Variants in ENTREP2 observed in about 807,000 individuals in gnomAD.
The protein encoded by ENTREP2 is endosomal transmembrane epsin interactor 2, also known as protein ENTREP2.
the ENTREP2 span, among the ~76,000 whole-genome samples, chr15:29,464,940 T>C: frequency 6.6e-6 from 1 of 152,150 alleles, no homozygotes; most frequent in African/African-American, 2.4e-5. Flanking sequence ...AGCGAACAGA[T>C]GAATTTATCA....
chr15:29,530,091 C>G, the ENTREP2 span, among the ~76,000 whole-genome samples: 1 of 152,096 alleles, frequency 6.6e-6, no homozygotes, highest in Non-Finnish European at 1.5e-5. Flanking sequence ...GTGGTCTTTC[C>G]CGCTCACATC....
chr15:29,126,009 G>A, the ENTREP2 span, among the ~76,000 whole-genome samples: 1 of 152,172 alleles, frequency 6.6e-6, no homozygotes, highest in Admixed American at 6.5e-5. Context: ...AGCACTTATA[G>A]CTAATGTCCT....
the ENTREP2 span, among the ~76,000 whole-genome samples, chr15:29,389,884 G>C: frequency 6.6e-6 from 1 of 152,166 alleles, no homozygotes; most frequent in African/African-American, 2.4e-5. Flanking sequence ...CTCTCCAGGA[G>C]GGGCAGCACA....
chr15:29,177,616 A>AGAGGGACAC, the ENTREP2 span, among the ~76,000 whole-genome samples: 1 of 152,198 alleles, frequency 6.6e-6, no homozygotes, highest in Non-Finnish European at 1.5e-5. Context: ...AACTCAGTCT[A>AGAGGGACAC]GAGGGACACA....
the ENTREP2 span, among the ~76,000 whole-genome samples, chr15:29,134,134 G>T: frequency 1.3e-5 from 2 of 152,134 alleles, no homozygotes; most frequent in Non-Finnish European, 2.9e-5. Flanking sequence ...TATTATCACA[G>T]CCAACTGTCT....
At chr15:29,173,107 C>T in the ENTREP2 span, among the ~76,000 whole-genome samples, 7 of 152,168 alleles carry the variant, frequency 4.6e-5, no homozygotes, top group African/African-American at 1.7e-4. Flanking sequence ...TGGTCTAGCT[C>T]TCTCCGCTTC....
At chr15:29,149,559 T>C in the ENTREP2 span, among the ~76,000 whole-genome samples, 1 of 152,166 alleles carries the variant, frequency 6.6e-6, no homozygotes, top group African/African-American at 2.4e-5. Flanking sequence ...ACCACGTTCC[T>C]TCAAATCCCA....
chr15:29,392,477 A>G, the ENTREP2 span, among the ~76,000 whole-genome samples: 2 of 151,786 alleles, frequency 1.3e-5, no homozygotes, highest in East Asian at 3.9e-4. Context: ...GTTACGCTGG[A>G]AACACCCTAG....
the ENTREP2 span, among the ~76,000 whole-genome samples, chr15:29,515,153 C>G: frequency 1.3e-5 from 2 of 152,232 alleles, no homozygotes; most frequent in Admixed American, 1.3e-4. Context: ...ACAACCTACT[C>G]AACCATGGAA....
the ENTREP2 span, among the ~76,000 whole-genome samples, chr15:29,333,394 C>A: frequency 9.9e-5 from 15 of 152,270 alleles, no homozygotes; most frequent in African/African-American, 2.4e-4. Context: ...AGGAGGCAGC[C>A]TGGCCAGCAG....
chr15:29,197,146 C>A, the ENTREP2 span, among the ~76,000 whole-genome samples: 1 of 152,120 alleles, frequency 6.6e-6, no homozygotes, highest in Non-Finnish European at 1.5e-5. Context: ...TGAATAAAAA[C>A]GGCTTGGAAA....
At chr15:29,227,517 G>C in the ENTREP2 span, among the ~76,000 whole-genome samples, 2 of 152,136 alleles carry the variant, frequency 1.3e-5, no homozygotes, top group Non-Finnish European at 2.9e-5. Flanking sequence ...GTCCATAAGG[G>C]TCATCAGGCT....
At chr15:29,256,733 ACATAAAATGATTC>A in the ENTREP2 span, among the ~76,000 whole-genome samples, 1 of 152,322 alleles carries the variant, frequency 6.6e-6, no homozygotes, top group East Asian at 1.9e-4. Context: ...ATTTCTAATT[ACATAAAATGATTC>A]CAAAGTCAGG....
chr15:29,462,247 A>G, the ENTREP2 span, among the ~76,000 whole-genome samples: 1 of 152,072 alleles, frequency 6.6e-6, no homozygotes, highest in African/African-American at 2.4e-5. Context: ...TCTGCTTTCC[A>G]TCCTTTGAGT....
the ENTREP2 span, among the ~76,000 whole-genome samples, chr15:29,444,701 G>C: frequency 6.6e-6 from 1 of 152,184 alleles, no homozygotes; most frequent in African/African-American, 2.4e-5. Context: ...TCCTGACCTT[G>C]TGATCCGCCC....
chr15:29,490,723 G>C, the ENTREP2 span, among the ~76,000 whole-genome samples: 2 of 152,184 alleles, frequency 1.3e-5, no homozygotes, highest in Non-Finnish European at 2.9e-5. Context: ...GCTAGACACA[G>C]AGTGCTGACT....
At chr15:29,290,825 G>A in the ENTREP2 span, among the ~76,000 whole-genome samples, 4 of 152,174 alleles carry the variant, frequency 2.6e-5, no homozygotes, top group South Asian at 8.3e-4. Flanking sequence ...GCATTGTTGA[G>A]ACTAGCAGCC....
the ENTREP2 span, among the ~76,000 whole-genome samples, chr15:29,413,320 AGATC>A: frequency 1.3e-3 from 202 of 152,324 alleles, no homozygotes; most frequent in Non-Finnish European, 2.1e-3. Flanking sequence ...TCTGTCTGAT[AGATC>A]AACAATCAAT....
chr15:29,425,180 C>T, the ENTREP2 span, among the ~76,000 whole-genome samples: 1 of 148,042 alleles, frequency 6.8e-6, no homozygotes, highest in African/African-American at 2.5e-5. Context: ...AGGCACCCAC[C>T]ACCACGTCCA....
Sources: allele counts gnomAD v4.1 joint callset (sites outside exome capture counted in the v4.1 genomes callset), GRCh38; gene constraint gnomAD v4.1.1; transcripts MANE v1.5; gene names NCBI Gene and HGNC (gene_info 2026-07-23, HGNC 2026-07-21).